Variants in PAFAH1B2 observed in about 807,000 individuals in gnomAD.
The protein encoded by PAFAH1B2 is platelet activating factor acetylhydrolase 1b catalytic subunit 2, also known as platelet-activating factor acetylhydrolase IB subunit alpha2.
A neutral mutation model predicts 28.0 loss-of-function variants in PAFAH1B2; 8 were observed. The ratio of observed to expected loss-of-function variants is 0.29; its 90% CI spans 0.17 to 0.52. PAFAH1B2 has a LOEUF of 0.52. PAFAH1B2 is among the 20% of genes least tolerant of loss of function. The pLI is 0.97. For missense variants in PAFAH1B2, 190 were observed against 282.6 expected (o/e 0.67, Z 2.35); for synonymous variants, 104 against 103.2 (o/e 1.01, Z -0.05).
At chr11:117,172,271 A>G (rs371432891), downstream of PAFAH1B2, among the ~76,000 whole-genome samples, 8 of 151,186 alleles carry the variant, frequency 5.3e-5, no homozygotes, top group East Asian at 3.9e-4. Flanking sequence ...AAGATCTTCA[A>G]TGTTTTGCTA....
rs1388360890 is a variant in PAFAH1B2 at position 117,158,291 on chromosome 11, C to T, written c.82-1643C>T. 5.3e-5 allele frequency among the ~76,000 whole-genome samples: 8 copies of T among 152,240 alleles called. No individual in the cohort carries two copies. The South Asian group carries it at 1.2e-3, about 24-fold the overall frequency. ...GCCTGGGCTCAAGCTATCCTTCACA[C>T]CTTGGCCTCCTAAAGTGCTAAGATT... On this transcript the variant is annotated intron_variant, in intron 2 of 5. Coordinates refer to ENST00000527958, the MANE Select transcript of PAFAH1B2 (RefSeq NM_002572.4).
At chr11:117,148,210 C>T (rs1371609895) in intron 1 of PAFAH1B2, among the ~76,000 whole-genome samples, 1 of 151,962 alleles carries the variant, frequency 6.6e-6, no homozygotes, top group Non-Finnish European at 1.5e-5. Flanking sequence ...TGCCACCCAA[C>T]CTGGCTAATC....
downstream of PAFAH1B2, chr11:117,176,029 T>C: frequency 1.0e-6 from 1 of 975,080 alleles, no homozygotes; most frequent in Non-Finnish European, 1.6e-6. Flanking sequence ...TGAAGAAACC[T>C]CTTTTGCCAT....
chr11:117,169,609 A>T lies in PAFAH1B2; in HGVS notation c.*1910A>T. ...TTTTTGGTTTTGTTCTTTTTAAAAA[A>T]TACATACTTTTTTGAATGTATCATG... is the stretch of plus-strand genomic sequence containing the variant. On this transcript the variant is annotated 3_prime_UTR_variant, in exon 6 of 6. Coordinates refer to ENST00000527958, the MANE Select transcript of PAFAH1B2 (RefSeq NM_002572.4). 4.8e-6 allele frequency: 5 copies of T among 1,052,446 alleles called. No homozygotes were observed. Among genetic ancestry groups the T allele is most frequent in the Non-Finnish European group, 5.7e-6 (5 of 870,550 alleles). The allele number at this position is 1,052,446 out of a possible 1,614,324, so 65.2% of individuals were successfully genotyped here.
Position 117,169,803 on chromosome 11 carries a change from G to A in PAFAH1B2, c.*2104G>A, listed in dbSNP as rs1335124769. The stretch of plus-strand genomic sequence containing the variant: ...GAATTAAGCCAGATTTTTGTGTGTG[G>A]AAAGACAGTTTTCTATCCACGTCTT... On this transcript the variant is annotated 3_prime_UTR_variant, in exon 6 of 6. Transcript: ENST00000527958. 9.5e-7 allele frequency: 1 copy of A among 1,055,872 alleles called. No homozygotes were observed. Among genetic ancestry groups the A allele is most frequent in the Non-Finnish European group, 1.1e-6 (1 of 873,494 alleles). 65.4% of individuals were successfully genotyped at this position (1,055,872 alleles called of 1,614,324 possible). A position where few individuals can be genotyped will look rare whatever the true frequency, so the allele number is the denominator to read the frequency against.
At chr11:117,167,375 A>T (rs1956536263) in intron 5 of PAFAH1B2, 46 bp from the exon 6 acceptor site, 1 of 1,493,570 alleles carries the variant, frequency 6.7e-7, no homozygotes, top group South Asian at 1.5e-5. Flanking sequence ...ATAAGTAGAG[A>T]AAAATAAGTG....
At chr11:117,146,845 A>G (rs911157456) in intron 1 of PAFAH1B2, among the ~76,000 whole-genome samples, 9 of 151,920 alleles carry the variant, frequency 5.9e-5, no homozygotes, top group African/African-American at 1.9e-4. Flanking sequence ...ATTGGAAAAA[A>G]AAAAAAAAAA....
intron 3 of PAFAH1B2, among the ~76,000 whole-genome samples, chr11:117,160,779 C>CT (rs113638567): frequency 0.044 from 6,280 of 142,994 alleles, 154 homozygotes; most frequent in South Asian, 0.11. Flanking sequence ...TAAAAGATAG[C>CT]TTTTTTTTTT....
intron 1 of PAFAH1B2, among the ~76,000 whole-genome samples, chr11:117,146,660 T>G (rs946564584): frequency 1.3e-5 from 2 of 151,982 alleles, no homozygotes; most frequent in Non-Finnish European, 2.9e-5. Flanking sequence ...GCCACTTCAC[T>G]CCAGCTAACG....
chr11:117,177,079 A>G (rs1214243574), downstream of PAFAH1B2, among the ~76,000 whole-genome samples: 1 of 151,534 alleles, frequency 6.6e-6, no homozygotes, highest in South Asian at 2.1e-4. Flanking sequence ...GTGGTGGCAC[A>G]TGGCCTGTAA....
chr11:117,172,381 TA>T (rs1956680623), downstream of PAFAH1B2, among the ~76,000 whole-genome samples: 114 of 5,434 alleles, frequency 0.021, 4 homozygotes, highest in South Asian at 0.033. Flanking sequence ...TATATATATA[TA>T]TATATATATA....
downstream of PAFAH1B2, among the ~76,000 whole-genome samples, chr11:117,177,490 T>G (rs2030049278): frequency 1.3e-5 from 2 of 152,252 alleles, no homozygotes; most frequent in African/African-American, 4.8e-5. Context: ...TTTTTCTATT[T>G]TTCTATGCAT....
In PAFAH1B2 at chr11:117,169,316, A is replaced by G; in HGVS notation, c.*1617A>G. The G allele has an allele frequency of 9.6e-7, 1 of 1,046,582 alleles. No individual in the cohort carries two copies. The highest frequency in any genetic ancestry group is 1.7e-5 in the African/African-American group (1 of 60,252). 64.8% of individuals were successfully genotyped at this position (1,046,582 alleles called of 1,614,324 possible). ...CTGCCATTAAAAAAAATGGGATAAT[A>G]GATGATTTTATCAGTATACCTGTGG... is the stretch of plus-strand genomic sequence containing the variant. On this transcript the variant is annotated 3_prime_UTR_variant, in exon 6 of 6. Coordinates refer to ENST00000527958, the MANE Select transcript of PAFAH1B2 (RefSeq NM_002572.4).
chr11:117,172,379 TATATATATATATATATATATA>T (rs1956679487), downstream of PAFAH1B2, among the ~76,000 whole-genome samples: 21 of 3,356 alleles, frequency 6.3e-3, no homozygotes, highest in African/African-American at 0.013. Flanking sequence ...TATATATATA[TATATATATATATATATATATA>T]TATATTTTTT....
intron 2 of PAFAH1B2, among the ~76,000 whole-genome samples, chr11:117,154,284 T>G (rs577277679): frequency 6.6e-6 from 1 of 152,188 alleles, no homozygotes; most frequent in South Asian, 2.1e-4. Context: ...GCCCAGGAGT[T>G]CAAGACGAAG....
chr11:117,175,859 C>A (rs1334055766), downstream of PAFAH1B2: 2 of 1,520,384 alleles, frequency 1.3e-6, no homozygotes, highest in South Asian at 1.2e-5. Context: ...GCCAGGAGTT[C>A]AAGACCAGCC....
downstream of PAFAH1B2, chr11:117,175,963 G>A: frequency 6.6e-7 from 1 of 1,524,876 alleles, no homozygotes; most frequent in Non-Finnish European, 8.8e-7. Flanking sequence ...GATGGACTGA[G>A]GAAATCCTAC....
rs1956570687 is a variant in PAFAH1B2 at position 117,168,468 on chromosome 11, T to TTG, written c.*770_*771insGT. On this transcript the variant is annotated 3_prime_UTR_variant, in exon 6 of 6. Coordinates refer to ENST00000527958, the MANE Select transcript of PAFAH1B2 (RefSeq NM_002572.4). ...CCCGTTTTTTTTTTTTTTTTTTTTT[T>TTG]TTTGGTTCTTGTTGACATTACAAGC... 1 of 999,688 alleles carries TTG rather than the reference T, an allele frequency of 1.0e-6. No homozygotes were observed. Among genetic ancestry groups the TTG allele is most frequent in the African/African-American group, 1.8e-5 (1 of 56,052 alleles). 61.9% of individuals were successfully genotyped at this position (999,688 alleles called of 1,614,324 possible). A position where few individuals can be genotyped will look rare whatever the true frequency, so the allele number is the denominator to read the frequency against.
intron 3 of PAFAH1B2, 110 bp downstream of exon 3, chr11:117,160,133 C>T: frequency 2.5e-6 from 2 of 798,880 alleles, no homozygotes; most frequent in South Asian, 3.0e-5. Context: ...CTTAGAGAAG[C>T]CCTAATTGAG....
Sources: allele counts gnomAD v4.1 joint callset (sites outside exome capture counted in the v4.1 genomes callset), GRCh38; gene constraint gnomAD v4.1.1; transcripts MANE v1.5; gene names NCBI Gene and HGNC (gene_info 2026-07-23, HGNC 2026-07-21).